PRRG1: variants seen among roughly 807,000 people sequenced by gnomAD.
The protein encoded by PRRG1 is proline rich and Gla domain 1.
A neutral mutation model predicts 11.8 loss-of-function variants in PRRG1; 5 were observed. The ratio of observed to expected loss-of-function variants is 0.42; its 90% confidence interval spans 0.22 to 0.89. PRRG1 has a LOEUF of 0.89. Among genes scored for constraint, PRRG1 ranks in the 40% least tolerant of loss-of-function variants. The pLI is 0.28. For missense variants in PRRG1, 155 were observed against 166.1 expected (o/e 0.93, Z 0.37); for synonymous variants, 66 against 60.4 (o/e 1.09, Z -0.43).
intron 1 of PRRG1, among the ~76,000 whole-genome samples, chrX:37,360,566 C>G (rs73466214): frequency 0.019 from 2,125 of 111,991 alleles, 45 homozygotes; most frequent in African/African-American, 0.059. Context: ...TGTTTTATGT[C>G]CCAGAATATG....
intron 2 of PRRG1, among the ~76,000 whole-genome samples, chrX:37,407,413 T>C (rs1932216687): frequency 8.9e-6 from 1 of 112,128 alleles, no homozygotes; most frequent in Non-Finnish European, 1.9e-5. Context: ...ATTTTATTAA[T>C]TTTCACAATT....
chrX:37,412,314 T>G (rs1421005875), intron 2 of PRRG1, among the ~76,000 whole-genome samples: 2 of 111,510 alleles, frequency 1.8e-5, no homozygotes, highest in Non-Finnish European at 3.8e-5. Flanking sequence ...AATACATAAG[T>G]TCTTTAATTC....
intron 3 of PRRG1, among the ~76,000 whole-genome samples, chrX:37,433,851 G>A (rs1164381051): frequency 8.9e-6 from 1 of 112,231 alleles, no homozygotes; most frequent in African/African-American, 3.2e-5. Context: ...TTCCTTCTTT[G>A]TGCTTTAAAG....
chrX:37,372,529 C>T (rs1314836021), intron 1 of PRRG1, among the ~76,000 whole-genome samples: 2 of 111,262 alleles, frequency 1.8e-5, no homozygotes, highest in Non-Finnish European at 3.8e-5. Flanking sequence ...TGGTCTTGAA[C>T]TCTTGACCTC....
chrX:37,401,179 C>A (rs1931962711), intron 1 of PRRG1, among the ~76,000 whole-genome samples: 1 of 110,178 alleles, frequency 9.1e-6, no homozygotes, highest in Non-Finnish European at 1.9e-5. Context: ...GAGACACAAC[C>A]AAAAAAGAGA....
chrX:37,435,122 C>T (rs1232648723), intron 3 of PRRG1, among the ~76,000 whole-genome samples: 1 of 110,316 alleles, frequency 9.1e-6, no homozygotes, highest in African/African-American at 3.3e-5. Context: ...GTGGAGAATA[C>T]AAGATGAGCT....
rs782747054 is a variant in PRRG1 at position 37,376,652 on chromosome X, C to T, written c.-42+27257C>T. The stretch of plus-strand genomic sequence containing the variant: ...GAAAGTTTTCAGGAATATTTCCTTG[C>T]GGGCAAAAAATCTCTGCTTTACTGA... On this transcript the variant is annotated intron_variant, in intron 1 of 3. Coordinates refer to ENST00000378628, the MANE Select transcript of PRRG1 (RefSeq NM_001142395.2). Among the ~76,000 whole-genome samples, 22 of 95,277 alleles carry T rather than the reference C, an allele frequency of 2.3e-4. No individual in the cohort carries two copies. In the Admixed American group the frequency reaches 2.3e-3, roughly 10 times the overall value. 82.7% of individuals were successfully genotyped at this position (95,277 alleles called of 115,157 possible).
intron 1 of PRRG1, among the ~76,000 whole-genome samples, chrX:37,359,511 A>T (rs1569434257): frequency 9.0e-6 from 1 of 110,930 alleles, no homozygotes; most frequent in Non-Finnish European, 1.9e-5. Context: ...ATAGCGTATA[A>T]TTTTTTTATA....
At chrX:37,407,374 G>A (rs1444920173) in intron 2 of PRRG1, among the ~76,000 whole-genome samples, 1 of 112,388 alleles carries the variant, frequency 8.9e-6, no homozygotes, top group Non-Finnish European at 1.9e-5. Flanking sequence ...AAGGCTTAAA[G>A]TGTTTTGGGG....
intron 2 of PRRG1, among the ~76,000 whole-genome samples, chrX:37,418,761 A>G (rs1932573423): frequency 9.0e-6 from 1 of 111,157 alleles, no homozygotes; most frequent in Non-Finnish European, 1.9e-5. Flanking sequence ...ATAACCCCCA[A>G]AGAGCCTTCT....
chrX:37,419,748 G>T (rs781892294), intron 2 of PRRG1, among the ~76,000 whole-genome samples: 1 of 111,511 alleles, frequency 9.0e-6, no homozygotes, highest in African/African-American at 3.3e-5. Flanking sequence ...TGGTCATGTA[G>T]CTGAAACTAG....
At chrX:37,400,600 A>G (rs1369604723) in intron 1 of PRRG1, among the ~76,000 whole-genome samples, 1 of 111,780 alleles carries the variant, frequency 8.9e-6, no homozygotes, top group Non-Finnish European at 1.9e-5. Flanking sequence ...AACACATTCA[A>G]AAGCCAGCAG....
At chrX:37,384,876 T>C (rs942448127) in intron 1 of PRRG1, among the ~76,000 whole-genome samples, 1 of 111,695 alleles carries the variant, frequency 9.0e-6, no homozygotes, top group Non-Finnish European at 1.9e-5. Context: ...ATTGGAAAAC[T>C]GTTTAGTAGT....
chrX:37,394,197 T>G (rs1343828191), intron 1 of PRRG1, among the ~76,000 whole-genome samples: 1 of 112,269 alleles, frequency 8.9e-6, no homozygotes, highest in Non-Finnish European at 1.9e-5. Flanking sequence ...GTTGAATTTC[T>G]ATTCTTTGAA....
intron 3 of PRRG1, among the ~76,000 whole-genome samples, chrX:37,430,549 T>C (rs1932816424): frequency 9.0e-6 from 1 of 111,643 alleles, no homozygotes; most frequent in African/African-American, 3.3e-5. Context: ...TACACAATGG[T>C]TTCGGAATTG....
intron 1 of PRRG1, among the ~76,000 whole-genome samples, chrX:37,400,068 A>C (rs950277603): frequency 1.3e-4 from 15 of 111,431 alleles, no homozygotes; most frequent in African/African-American, 4.9e-4. Context: ...CATTAGACAG[A>C]TCAACGAGAC....
At chrX:37,390,752 A>G (rs1399425804) in intron 1 of PRRG1, among the ~76,000 whole-genome samples, 2 of 112,186 alleles carry the variant, frequency 1.8e-5, no homozygotes, top group Non-Finnish European at 3.8e-5. Flanking sequence ...GGCTATCTAC[A>G]AGGAAACATT....
intron 3 of PRRG1, among the ~76,000 whole-genome samples, chrX:37,443,979 G>A (rs1303571362): frequency 8.9e-6 from 1 of 112,295 alleles, no homozygotes; most frequent in Non-Finnish European, 1.9e-5. Flanking sequence ...TACAGGTTTT[G>A]TATACAGTAT....
intron 1 of PRRG1, among the ~76,000 whole-genome samples, chrX:37,384,426 T>C (rs1419392195): frequency 8.9e-6 from 1 of 111,768 alleles, no homozygotes; most frequent in Non-Finnish European, 1.9e-5. Context: ...CTTTTTTGTC[T>C]CATTTCTACC....
Sources: allele counts gnomAD v4.1 joint callset (sites outside exome capture counted in the v4.1 genomes callset), GRCh38; gene constraint gnomAD v4.1.1; transcripts MANE v1.5; gene names NCBI Gene and HGNC (gene_info 2026-07-23, HGNC 2026-07-21).